NFIL3: variants seen among roughly 807,000 people sequenced by gnomAD.
NFIL3 encodes the protein nuclear factor interleukin-3-regulated protein.
In NFIL3, 5 loss-of-function variants were observed where a neutral mutation model predicts 10.0. That is an observed-to-expected ratio of 0.50 (90% CI 0.26 to 1.06). The LOEUF (loss-of-function observed/expected upper bound fraction) is 1.06. NFIL3 is among the 50% of genes least tolerant of loss of function. The pLI is 0.13. For missense variants in NFIL3, 436 were observed against 547.6 expected (o/e 0.80, Z 2.03); for synonymous variants, 202 against 206.5 (o/e 0.98, Z 0.19).
the NFIL3 span, among the ~76,000 whole-genome samples, chr9:91,442,995 A>G: frequency 6.6e-6 from 1 of 152,164 alleles, no homozygotes; most frequent in African/African-American, 2.4e-5. Flanking sequence ...GACAACTGGC[A>G]GGTAAGCAAG....
chr9:91,424,296 C>T (rs1228554508), upstream of NFIL3, among the ~76,000 whole-genome samples: 1 of 152,210 alleles, frequency 6.6e-6, no homozygotes. Context: ...TCCTGAGAGC[C>T]GCAGCCTGCT....
intron 1 of NFIL3, among the ~76,000 whole-genome samples, chr9:91,412,848 G>T (rs1255627779): frequency 2.2e-5 from 3 of 135,310 alleles, no homozygotes; most frequent in Non-Finnish European, 4.6e-5. Context: ...GCGAGACTTC[G>T]TCTCAAAAAA....
At chr9:91,473,436 G>C in the NFIL3 span, among the ~76,000 whole-genome samples, 5 of 152,348 alleles carry the variant, frequency 3.3e-5, no homozygotes, top group African/African-American at 1.2e-4. Flanking sequence ...CCCCAGCCTA[G>C]GCTGCCACCT....
the NFIL3 span, among the ~76,000 whole-genome samples, chr9:91,450,714 G>A: frequency 6.6e-6 from 1 of 152,074 alleles, no homozygotes; most frequent in African/African-American, 2.4e-5. Flanking sequence ...ATGTATGTTA[G>A]GTCTAGTTAG....
chr9:91,421,204 G>A (rs1833757787), intron 1 of NFIL3, among the ~76,000 whole-genome samples: 1 of 151,408 alleles, frequency 6.6e-6, no homozygotes, highest in African/African-American at 2.4e-5. Flanking sequence ...GCTCCGGGTC[G>A]CCCGCGCTGC....
At chr9:91,441,789 C>A in the NFIL3 span, among the ~76,000 whole-genome samples, 1 of 152,160 alleles carries the variant, frequency 6.6e-6, no homozygotes, top group African/African-American at 2.4e-5. Context: ...TTTTACCCTA[C>A]CCCACACAAT....
the NFIL3 span, among the ~76,000 whole-genome samples, chr9:91,440,975 C>T: frequency 1.3e-5 from 2 of 152,084 alleles, no homozygotes; most frequent in East Asian, 3.8e-4. Flanking sequence ...AATGTGTATT[C>T]TGCTGCTGTT....
chr9:91,483,210 C>T, the NFIL3 span, among the ~76,000 whole-genome samples: 1 of 152,140 alleles, frequency 6.6e-6, no homozygotes, highest in Non-Finnish European at 1.5e-5. Context: ...CCCTTCTCAC[C>T]CCCTCCTTCT....
At chr9:91,424,556 C>T (rs530794976), upstream of NFIL3, among the ~76,000 whole-genome samples, 3 of 152,338 alleles carry the variant, frequency 2.0e-5, no homozygotes, top group East Asian at 1.9e-4. Flanking sequence ...CCCGGCGCCT[C>T]TCCCGAGAGC....
chr9:91,434,796 C>T, the NFIL3 span, among the ~76,000 whole-genome samples: 1 of 152,178 alleles, frequency 6.6e-6, no homozygotes, highest in African/African-American at 2.4e-5. Flanking sequence ...CACCACTATA[C>T]AATTCATCCA....
chr9:91,447,902 T>G, the NFIL3 span, among the ~76,000 whole-genome samples: 6 of 152,228 alleles, frequency 3.9e-5, no homozygotes, highest in African/African-American at 1.4e-4. Flanking sequence ...ATCTAGAAAT[T>G]TATTGCCAAA....
At chr9:91,449,702 A>G in the NFIL3 span, among the ~76,000 whole-genome samples, 1 of 152,080 alleles carries the variant, frequency 6.6e-6, no homozygotes, top group South Asian at 2.1e-4. Flanking sequence ...CTTTGATATC[A>G]GGGTAATGCT....
the NFIL3 span, among the ~76,000 whole-genome samples, chr9:91,470,703 A>C: frequency 6.6e-6 from 1 of 152,036 alleles, no homozygotes; most frequent in Admixed American, 6.6e-5. Flanking sequence ...GTGTCCCAGA[A>C]ATTCTGGTAT....
chr9:91,431,239 C>T, the NFIL3 span, among the ~76,000 whole-genome samples: 1 of 152,170 alleles, frequency 6.6e-6, no homozygotes, highest in Non-Finnish European at 1.5e-5. Flanking sequence ...AAATGTCACA[C>T]ATTAAGAATT....
At chr9:91,468,752 A>G in the NFIL3 span, among the ~76,000 whole-genome samples, 4 of 152,192 alleles carry the variant, frequency 2.6e-5, no homozygotes, top group Non-Finnish European at 4.4e-5. Flanking sequence ...AGCTTTCTAC[A>G]TATACCAAGC....
At chr9:91,453,341 A>T in the NFIL3 span, among the ~76,000 whole-genome samples, 1 of 152,094 alleles carries the variant, frequency 6.6e-6, no homozygotes, top group Non-Finnish European at 1.5e-5. Context: ...ACTGGCGTTT[A>T]GGACTCCAAC....
chr9:91,452,169 G>A, the NFIL3 span, among the ~76,000 whole-genome samples: 1 of 152,068 alleles, frequency 6.6e-6, no homozygotes, highest in Non-Finnish European at 1.5e-5. Flanking sequence ...CATCAACACA[G>A]ATCTTAAGTC....
the NFIL3 span, among the ~76,000 whole-genome samples, chr9:91,451,891 A>T: frequency 6.6e-6 from 1 of 152,230 alleles, no homozygotes; most frequent in South Asian, 2.1e-4. Context: ...TCTGAGAAAC[A>T]GTAATAGTCT....
chr9:91,427,480 T>TA (rs1833883616), upstream of NFIL3, among the ~76,000 whole-genome samples: 1 of 152,238 alleles, frequency 6.6e-6, no homozygotes, highest in Non-Finnish European at 1.5e-5. Flanking sequence ...TCTGGTCTGG[T>TA]GGCCGGCAGC....
Sources: allele counts gnomAD v4.1 joint callset (sites outside exome capture counted in the v4.1 genomes callset), GRCh38; gene constraint gnomAD v4.1.1; transcripts MANE v1.5; gene names NCBI Gene and HGNC (gene_info 2026-07-23, HGNC 2026-07-21).